Variants in RCHY1 observed in about 807,000 individuals in gnomAD.
RCHY1 encodes the protein RING finger and CHY zinc finger domain-containing protein 1.
Under a neutral mutation model 41.6 loss-of-function variants are expected in RCHY1, and 21 were observed. That is an observed-to-expected ratio of 0.51 (90% CI 0.36 to 0.73). RCHY1 has a LOEUF of 0.73. Ranked by LOEUF, RCHY1 falls within the 30% of genes least tolerant of loss-of-function variation. The pLI is 0.00. For missense variants in RCHY1, 265 were observed against 325.3 expected, an observed-to-expected ratio of 0.81 and a Z score of 1.43; for synonymous variants, 79 against 102.9, an observed-to-expected ratio of 0.77 and a Z score of 1.41.
Position 75,489,869 on chromosome 4 carries a change from CT to C in RCHY1, c.657+711del, listed in dbSNP as rs200241547. ...TTCCACCTACACTAAAGCTTCTGGACTTTGAACTTAGGTTCATTATCTCACA... is the reference window on the plus strand; with the variant it reads ...TTCCACCTACACTAAAGCTTCTGGACTTGAACTTAGGTTCATTATCTCACA... On this transcript the variant is annotated intron_variant, in intron 8 of 8. Transcript: ENST00000324439. Among the ~76,000 whole-genome samples the C allele has an allele frequency of 7.1e-3, 1,087 of 152,272 alleles. 6 individuals carry two copies. Among genetic ancestry groups the C allele is most frequent in the Non-Finnish European group, 0.011 (776 of 68,018 alleles).
chr4:75,493,993 G>T, intron 4 of RCHY1, 108 bp downstream of exon 4: 1 of 651,590 alleles, frequency 1.5e-6, no homozygotes, highest in Non-Finnish European at 2.6e-6. Flanking sequence ...CAATATAGTT[G>T]CACTTGGAAA....
At chr4:75,506,466 T>A (rs182687780) in intron 3 of RCHY1, among the ~76,000 whole-genome samples, 3 of 152,176 alleles carry the variant, frequency 2.0e-5, no homozygotes, top group African/African-American at 7.2e-5. Flanking sequence ...GAATTTCACC[T>A]GACAACTAGA....
intron 3 of RCHY1, among the ~76,000 whole-genome samples, chr4:75,506,565 AAGAG>A (rs887097547): frequency 8.5e-5 from 13 of 152,206 alleles, no homozygotes; most frequent in African/African-American, 2.9e-4. Flanking sequence ...AATGCAGCAG[AAGAG>A]AGACCTGGAA....
intron 3 of RCHY1, among the ~76,000 whole-genome samples, chr4:75,501,651 G>T (rs1015636430): frequency 1.3e-5 from 2 of 152,106 alleles, no homozygotes; most frequent in African/African-American, 4.8e-5. Context: ...TTTTCTATTT[G>T]AAAATTCTGT....
At chr4:75,509,518 A>G (rs1724670842) in intron 1 of RCHY1, 1 of 430,692 alleles carries the variant, frequency 2.3e-6, no homozygotes, top group African/African-American at 2.0e-5. Context: ...GAAGTTGAAC[A>G]CAACTTTAAA....
chr4:75,487,574 ATTC>A (rs1386021538), intron 8 of RCHY1, among the ~76,000 whole-genome samples: 6 of 90,316 alleles, frequency 6.6e-5, no homozygotes, highest in Non-Finnish European at 1.1e-4. Flanking sequence ...TAATATATAT[ATTC>A]ATATATATAT....
Position 75,497,090 on chromosome 4 carries a change from T to C in RCHY1, c.327-2911A>G, listed in dbSNP as rs993366681. On this transcript the variant is annotated intron_variant, in intron 3 of 8. Coordinates refer to ENST00000324439, the MANE Select transcript of RCHY1 (RefSeq NM_015436.4). ...GATGAAACTAATGGCAAGTTTGATATTGCTAACAAAAAGGTTAGTCAACTT... is the reference window on the plus strand; with the variant it reads ...GATGAAACTAATGGCAAGTTTGATACTGCTAACAAAAAGGTTAGTCAACTT... Among the ~76,000 whole-genome samples, 13 of 152,138 alleles carry C rather than the reference T, an allele frequency of 8.5e-5. 1 individual carries two copies. Among genetic ancestry groups the C allele is most frequent in the African/African-American group, 2.9e-4 (12 of 41,442 alleles).
At chr4:75,502,333 G>A (rs1363706974) in intron 3 of RCHY1, among the ~76,000 whole-genome samples, 1 of 152,100 alleles carries the variant, frequency 6.6e-6, no homozygotes, top group African/African-American at 2.4e-5. Flanking sequence ...GAGGTCAGGA[G>A]ATCGAGACCA....
Position 75,481,403 on chromosome 4 carries a change from G to T in RCHY1, c.*1135C>A, listed in dbSNP as rs933089499. 2.0e-5 allele frequency: 3 copies of T among 152,198 alleles called. No individual in the cohort carries two copies. The highest frequency in any genetic ancestry group is 7.2e-5 in the African/African-American group (3 of 41,454). 9.4% of individuals were successfully genotyped at this position (152,198 alleles called of 1,614,324 possible). Reference sequence around the variant, plus strand: ...TGGTAAAGCTATTACGGAGATAACAGTGTCAAAGTCGGCTGGATCATCAAA... The same window carrying T: ...TGGTAAAGCTATTACGGAGATAACATTGTCAAAGTCGGCTGGATCATCAAA... On this transcript the variant is annotated 3_prime_UTR_variant, in exon 9 of 9. Transcript: ENST00000324439.
At chr4:75,482,984 C>T (rs769032217) in intron 8 of RCHY1, among the ~76,000 whole-genome samples, 2 of 152,008 alleles carry the variant, frequency 1.3e-5, no homozygotes, top group Non-Finnish European at 2.9e-5. Flanking sequence ...ATACCTGATA[C>T]TTATAATTCA....
intron 3 of RCHY1, among the ~76,000 whole-genome samples, chr4:75,502,673 T>C (rs747797567): frequency 6.6e-6 from 1 of 152,228 alleles, no homozygotes; most frequent in Non-Finnish European, 1.5e-5. Flanking sequence ...CATTATGGAA[T>C]CTTAATCTTA....
intron 8 of RCHY1, among the ~76,000 whole-genome samples, chr4:75,487,534 TTCATAATATATATATTCATA>T (rs1560512393): frequency 3.9e-5 from 5 of 126,950 alleles, no homozygotes; most frequent in Admixed American, 1.8e-4. Flanking sequence ...TCATAATATA[TTCATAATATATATATTCATA>T]ATATATTCAT....
intron 3 of RCHY1, among the ~76,000 whole-genome samples, chr4:75,495,984 T>C (rs1376384644): frequency 1.3e-5 from 2 of 152,136 alleles, no homozygotes; most frequent in Non-Finnish European, 2.9e-5. Context: ...TATCATGTTT[T>C]GATATGTGGA....
At chr4:75,512,089 C>G (rs1724937789) in intron 1 of RCHY1, among the ~76,000 whole-genome samples, 1 of 152,160 alleles carries the variant, frequency 6.6e-6, no homozygotes, top group Non-Finnish European at 1.5e-5. Flanking sequence ...TAGTTAAATC[C>G]TATTTGACTT....
intron 1 of RCHY1, among the ~76,000 whole-genome samples, chr4:75,513,668 C>T (rs934086392): frequency 2.0e-5 from 3 of 152,156 alleles, no homozygotes; most frequent in African/African-American, 7.2e-5. Context: ...AGGCACTTTC[C>T]TATGCATAAT....
chr4:75,485,543 A>G (rs1721927373), intron 8 of RCHY1, among the ~76,000 whole-genome samples: 2 of 152,292 alleles, frequency 1.3e-5, no homozygotes, highest in South Asian at 2.1e-4. Context: ...ACTTTTACTC[A>G]CACCATTTTT....
intron 3 of RCHY1, 131 bp from the exon 4 acceptor site, chr4:75,494,310 C>T (rs910015229): frequency 2.3e-5 from 15 of 644,776 alleles, no homozygotes; most frequent in Non-Finnish European, 3.6e-5. Flanking sequence ...TGGGATAAAT[C>T]CCTATCTCCC....
intron 3 of RCHY1, among the ~76,000 whole-genome samples, chr4:75,507,416 AAAG>A (rs1349429705): frequency 3.9e-5 from 6 of 152,080 alleles, no homozygotes; most frequent in Non-Finnish European, 7.4e-5. Context: ...AGATTAATCC[AAAG>A]AAGACAAGAA....
chr4:75,491,397 G>A (rs1184976877), intron 7 of RCHY1: 1 of 410,266 alleles, frequency 2.4e-6, no homozygotes, highest in African/African-American at 2.1e-5. Flanking sequence ...ATTGTGGGAG[G>A]AGACAAGATT....
Sources: allele counts gnomAD v4.1 joint callset (sites outside exome capture counted in the v4.1 genomes callset), GRCh38; gene constraint gnomAD v4.1.1; transcripts MANE v1.5; gene names NCBI Gene and HGNC (gene_info 2026-07-23, HGNC 2026-07-21).